SYNE1: variants seen among roughly 807,000 people sequenced by gnomAD.
SYNE1 encodes the protein spectrin repeat containing nuclear envelope protein 1.
A neutral mutation model predicts 1,111.0 loss-of-function variants in SYNE1; 616 were observed. That is an observed-to-expected ratio of 0.55 (90% CI 0.52 to 0.59). The LOEUF is 0.59. SYNE1 is among the 20% of genes least tolerant of loss of function. The pLI is 0.00. For synonymous variants in SYNE1, 3,855 were observed against 3,825.8 expected (o/e 1.01, Z -0.28); for missense variants, 10,006 against 10,417.0 (o/e 0.96, Z 1.72).
chr6:152,393,166 G>A (rs1031943209), intron 51 of SYNE1, among the ~76,000 whole-genome samples: 5 of 152,232 alleles, frequency 3.3e-5, no homozygotes, highest in South Asian at 4.2e-4. Flanking sequence ...CGAAAAAGTC[G>A]CAATTATTAG....
intron 131 of SYNE1, among the ~76,000 whole-genome samples, chr6:152,160,238 T>A (rs1052173409): frequency 2.0e-5 from 3 of 152,134 alleles, no homozygotes; most frequent in Admixed American, 6.5e-5. Flanking sequence ...GATCTCCTGA[T>A]AACTCATTTT....
chr6:152,461,830 T>C (rs1201061789), intron 20 of SYNE1, 90 bp from the exon 21 acceptor site: 2 of 1,548,416 alleles, frequency 1.3e-6, no homozygotes, highest in Admixed American at 1.7e-5. Flanking sequence ...AAAATCAATA[T>C]GCACTGTATA....
chr6:152,363,223 G>C (rs950161831), intron 63 of SYNE1, among the ~76,000 whole-genome samples: 2 of 147,684 alleles, frequency 1.4e-5, no homozygotes, highest in Non-Finnish European at 3.0e-5. Flanking sequence ...GGCCGGGCGC[G>C]GTGACTCACG....
chr6:152,330,378 C>A lies in SYNE1; in HGVS notation c.14307G>T (p.Arg4769Ser). ...YHRLKRQTEQ[R>S]VSLLEDTTSA... ...TGGTGGTGTCTTCTAATAAGCTAAC[C>A]CTCTGTTCTGTTTGTCGCTTCAGCC... The change falls in exon 78 of 146, where the codon AGG (arginine) becomes AGT (serine). Residue 4769 changes from arginine to serine, a missense_variant. Arg to Ser is a moderately radical substitution (Grantham distance 110). Transcript: ENST00000367255. 6.2e-7 allele frequency: 1 copy of A among 1,614,032 alleles called. No homozygotes were observed. Among genetic ancestry groups the A allele is most frequent in the South Asian group, 1.1e-5 (1 of 91,068 alleles).
chr6:152,609,524 C>A (rs1220182744), intron 3 of SYNE1, among the ~76,000 whole-genome samples: 3 of 152,176 alleles, frequency 2.0e-5, no homozygotes, highest in Non-Finnish European at 4.4e-5. Flanking sequence ...CCTCTGTAGA[C>A]TCCACCTCTG....
chr6:152,547,971 T>G (rs1306198787), intron 3 of SYNE1, among the ~76,000 whole-genome samples: 1 of 152,182 alleles, frequency 6.6e-6, no homozygotes, highest in Non-Finnish European at 1.5e-5. Context: ...TATCAAATCA[T>G]CACACTGTAC....
intron 74 of SYNE1, among the ~76,000 whole-genome samples, chr6:152,340,413 T>C (rs1271788816): frequency 1.3e-5 from 2 of 152,192 alleles, no homozygotes; most frequent in South Asian, 2.1e-4. Flanking sequence ...CTATTGACAG[T>C]TGACTCCAAA....
At chr6:152,362,056 C>T (rs921222108) in intron 64 of SYNE1, 114 bp downstream of exon 64, 20 of 1,414,032 alleles carry the variant, frequency 1.4e-5, no homozygotes, top group African/African-American at 7.1e-5. Flanking sequence ...AAGCCCCAAA[C>T]GTAATTTGCT....
At chr6:152,398,329 A>G (rs1049737307) in intron 49 of SYNE1, among the ~76,000 whole-genome samples, 8 of 152,198 alleles carry the variant, frequency 5.3e-5, no homozygotes, top group African/African-American at 1.9e-4. Flanking sequence ...CAATTATTAT[A>G]CTCTTATTGT....
Position 152,354,982 on chromosome 6 carries a change from G to A in SYNE1, c.10609-6C>T, listed in dbSNP as rs532710655. Reference sequence around the variant, plus strand: ...GCACAGTGTACCTGTAGCTCCTGCAGAGAAAAAGGTATGGCTGTCACTCTC... The same window carrying A: ...GCACAGTGTACCTGTAGCTCCTGCAAAGAAAAAGGTATGGCTGTCACTCTC... On this transcript the variant is annotated splice_polypyrimidine_tract_variant and splice_region_variant and intron_variant, in intron 66 of 145. Coordinates refer to ENST00000367255, the MANE Select transcript of SYNE1 (RefSeq NM_182961.4). 1 of 1,613,494 alleles carries A rather than the reference G, an allele frequency of 6.2e-7. No homozygotes were observed. Among genetic ancestry groups the A allele is most frequent in the East Asian group, 2.2e-5 (1 of 44,876 alleles).
intron 3 of SYNE1, among the ~76,000 whole-genome samples, chr6:152,550,471 A>T (rs1300619487): frequency 1.3e-5 from 2 of 152,018 alleles, no homozygotes; most frequent in African/African-American, 4.8e-5. Context: ...CATATATTAG[A>T]AAATGTGCTA....
intron 3 of SYNE1, among the ~76,000 whole-genome samples, chr6:152,595,111 G>C (rs1287637844): frequency 6.6e-6 from 1 of 152,216 alleles, no homozygotes; most frequent in South Asian, 2.1e-4. Flanking sequence ...GCGGTCTCCT[G>C]TCTTTTGTTC....
chr6:152,239,581 T>C lies in SYNE1; in HGVS notation c.20019A>G (p.Val6673=). Residue 6673 remains valine (V), a synonymous_variant, in exon 108 of 146, where the codon GTA becomes GTG. Coordinates refer to ENST00000367255, the MANE Select transcript of SYNE1 (RefSeq NM_182961.4). ...CACCCCTCTTGTGAGCCCGTTTCAG[T>C]ACAGCAGAAGCCTGAGCCATCAGCT... ...HTELMAQASA[V]LKRAHKRGVE... The C allele has an allele frequency of 6.2e-7, 1 of 1,614,192 alleles. No individual in the cohort carries two copies. Among genetic ancestry groups the C allele is most frequent in the Non-Finnish European group, 8.5e-7 (1 of 1,180,028 alleles).
intron 41 of SYNE1, among the ~76,000 whole-genome samples, chr6:152,415,806 A>AG (rs1420920343): frequency 2.0e-5 from 3 of 149,422 alleles, no homozygotes; most frequent in Admixed American, 2.0e-4. Context: ...AAAAAAAAAA[A>AG]AAAAAAAAAG....
intron 108 of SYNE1, among the ~76,000 whole-genome samples, chr6:152,239,164 G>A (rs922957278): frequency 3.9e-5 from 6 of 152,000 alleles, no homozygotes; most frequent in East Asian, 1.9e-4. Context: ...TGATCCACCC[G>A]CCTCAGCCTC....
intron 72 of SYNE1, among the ~76,000 whole-genome samples, chr6:152,347,540 G>T (rs1309914650): frequency 1.3e-5 from 2 of 152,090 alleles, no homozygotes; most frequent in African/African-American, 2.4e-5. Context: ...CAGACAAAAA[G>T]ATGTCCCTAT....
chr6:152,386,795 TAAC>T (rs2097532519), intron 54 of SYNE1, among the ~76,000 whole-genome samples: 1 of 96,264 alleles, frequency 1.0e-5, no homozygotes, highest in African/African-American at 3.4e-5. Flanking sequence ...GTAGAGAGAT[TAAC>T]TAAAAAAGCG....
At chr6:152,294,856 T>C (rs972300962) in intron 93 of SYNE1, among the ~76,000 whole-genome samples, 1 of 152,326 alleles carries the variant, frequency 6.6e-6, no homozygotes, top group East Asian at 1.9e-4. Context: ...TCAAGAGATA[T>C]AGTAAAGATG....
At chr6:152,586,251 C>T (rs2099538531) in intron 3 of SYNE1, among the ~76,000 whole-genome samples, 1 of 151,988 alleles carries the variant, frequency 6.6e-6, no homozygotes, top group African/African-American at 2.4e-5. Context: ...TTTTAAAAGT[C>T]TTGCTCAAGA....
Sources: allele counts gnomAD v4.1 joint callset (sites outside exome capture counted in the v4.1 genomes callset), GRCh38; gene constraint gnomAD v4.1.1; transcripts MANE v1.5; gene names NCBI Gene and HGNC (gene_info 2026-07-23, HGNC 2026-07-21).